Variants in CDH4 observed in about 807,000 individuals in gnomAD.
CDH4 encodes cadherin-4.
A neutral mutation model predicts 86.0 loss-of-function variants in CDH4; 33 were observed. The observed-to-expected ratio is 0.38, with a 90% CI of 0.29 to 0.51. The LOEUF (loss-of-function observed/expected upper bound fraction) is 0.51, where lower values mean the gene tolerates loss of function less well. Ranked by LOEUF, CDH4 falls within the 20% of genes least tolerant of loss-of-function variation. The pLI is 0.86. For synonymous variants in CDH4, 555 were observed against 549.4 expected (o/e 1.01, Z -0.14); for missense variants, 1,114 against 1,307.4 (o/e 0.85, Z 2.28).
intron 2 of CDH4, among the ~76,000 whole-genome samples, chr20:61,705,361 C>T (rs1187104022): frequency 1.3e-5 from 2 of 152,250 alleles, no homozygotes; most frequent in South Asian, 2.1e-4. Flanking sequence ...GACCAGACCC[C>T]GGGGGTTCCA....
At chr20:61,421,070 T>C (rs1270995093) in intron 2 of CDH4, among the ~76,000 whole-genome samples, 2 of 152,236 alleles carry the variant, frequency 1.3e-5, no homozygotes, top group East Asian at 1.9e-4. Flanking sequence ...ATGTTACTCA[T>C]TTCTATGGAG....
At chr20:61,664,929 G>A (rs970673043) in intron 2 of CDH4, among the ~76,000 whole-genome samples, 1 of 152,224 alleles carries the variant, frequency 6.6e-6, no homozygotes, top group Non-Finnish European at 1.5e-5. Flanking sequence ...CTTGAAATTA[G>A]CAACAGTCAT....
At chr20:61,905,372 G>A (rs777169966) in intron 8 of CDH4, among the ~76,000 whole-genome samples, 63 of 152,310 alleles carry the variant, frequency 4.1e-4, no homozygotes, top group Non-Finnish European at 7.8e-4. Context: ...CGCAGAGAGC[G>A]CCGCGCTCCC....
At chr20:61,730,094 C>T (rs1445243127) in intron 2 of CDH4, among the ~76,000 whole-genome samples, 2 of 152,116 alleles carry the variant, frequency 1.3e-5, no homozygotes, top group Non-Finnish European at 2.9e-5. Flanking sequence ...GTCTTGCATT[C>T]GTGTGTTGCA....
At chr20:61,630,106 A>G (rs2086871313) in intron 2 of CDH4, among the ~76,000 whole-genome samples, 1 of 152,194 alleles carries the variant, frequency 6.6e-6, no homozygotes, top group Non-Finnish European at 1.5e-5. Flanking sequence ...ACAGCCATGA[A>G]CACAGGATGC....
chr20:61,659,045 TC>T (rs1161423826), intron 2 of CDH4, among the ~76,000 whole-genome samples: 1 of 152,142 alleles, frequency 6.6e-6, no homozygotes, highest in African/African-American at 2.4e-5. Context: ...AACCTCATAC[TC>T]CAATAGTAGC....
At chr20:61,936,418 ACCC>A (rs3833322) in intron 15 of CDH4, among the ~76,000 whole-genome samples, 4,309 of 6,136 alleles carry the variant, frequency 0.7, 1,517 homozygotes, top group Middle Eastern at 0.79. Flanking sequence ...CCTCTCCCAC[ACCC>A]CCCCCCCCAT....
chr20:61,421,029 C>T (rs543702298), intron 2 of CDH4, among the ~76,000 whole-genome samples: 21 of 152,338 alleles, frequency 1.4e-4, no homozygotes, highest in Admixed American at 2.6e-4. Flanking sequence ...GGGTCTCAGA[C>T]GTGCTGTGGA....
intron 2 of CDH4, among the ~76,000 whole-genome samples, chr20:61,404,725 T>C (rs1266335757): frequency 9.9e-5 from 15 of 152,106 alleles, no homozygotes. Context: ...GCTTTTTTTT[T>C]TTTTCTTTTT....
chr20:61,903,654 A>G (rs1440222161), intron 8 of CDH4, among the ~76,000 whole-genome samples: 1 of 150,890 alleles, frequency 6.6e-6, no homozygotes, highest in Non-Finnish European at 1.5e-5. Flanking sequence ...ATAATTCCCC[A>G]TTCCAAACAA....
intron 2 of CDH4, among the ~76,000 whole-genome samples, chr20:61,327,310 A>T (rs1198188620): frequency 2.6e-5 from 4 of 152,242 alleles, no homozygotes; most frequent in Non-Finnish European, 5.9e-5. Flanking sequence ...AATATATTTG[A>T]CAATTTTCCT....
In CDH4 at chr20:61,548,028, C is replaced by G. The variant is rs552990053; in HGVS notation, c.170-195535C>G. 2.6e-5 allele frequency among the ~76,000 whole-genome samples: 4 copies of G among 152,292 alleles called. No homozygotes were observed. In the East Asian group the frequency reaches 7.7e-4, roughly 29 times the overall value. Reference sequence around the variant, plus strand: ...TTGCTTCCTGTGATTCCTCCTGGCTCTTTGCGGCAGCATCAAACCCTCAGG... The same window carrying G: ...TTGCTTCCTGTGATTCCTCCTGGCTGTTTGCGGCAGCATCAAACCCTCAGG... On this transcript the variant is annotated intron_variant, in intron 2 of 15. Coordinates refer to ENST00000614565, the MANE Select transcript of CDH4 (RefSeq NM_001794.5).
intron 2 of CDH4, among the ~76,000 whole-genome samples, chr20:61,719,967 C>A (rs1419882713): frequency 6.6e-6 from 1 of 152,196 alleles, no homozygotes; most frequent in Non-Finnish European, 1.5e-5. Context: ...AGAGTTTAAG[C>A]ACCGCAGTTA....
intron 2 of CDH4, among the ~76,000 whole-genome samples, chr20:61,301,774 A>C (rs2084387566): frequency 6.6e-6 from 1 of 152,230 alleles, no homozygotes; most frequent in South Asian, 2.1e-4. Flanking sequence ...GGCAAGATAA[A>C]GGACAATTGA....
chr20:61,538,126 G>GCTGTATTT (rs1396842718), intron 2 of CDH4, among the ~76,000 whole-genome samples: 2 of 152,172 alleles, frequency 1.3e-5, no homozygotes, highest in Non-Finnish European at 2.9e-5. Context: ...CCAAGTTCAA[G>GCTGTATTT]TCCACCCAAA....
intron 4 of CDH4, among the ~76,000 whole-genome samples, chr20:61,821,148 C>T (rs1434320351): frequency 1.3e-5 from 2 of 150,336 alleles, no homozygotes; most frequent in Non-Finnish European, 3.0e-5. Flanking sequence ...CTGCTCCAGT[C>T]CCCTCTCACT....
intron 8 of CDH4, among the ~76,000 whole-genome samples, chr20:61,907,181 A>G (rs1211002294): frequency 6.6e-6 from 1 of 151,328 alleles, no homozygotes; most frequent in East Asian, 1.9e-4. Context: ...GCTCTGTCCC[A>G]CCCCCAGGCC....
chr20:61,532,621 G>GC (rs2085963979), intron 2 of CDH4, among the ~76,000 whole-genome samples: 1 of 152,148 alleles, frequency 6.6e-6, no homozygotes, highest in African/African-American at 2.4e-5. Context: ...ATGCTCTCCT[G>GC]CCCCAGAAAT....
chr20:61,777,752 A>G (rs1430547883), intron 4 of CDH4, among the ~76,000 whole-genome samples: 3 of 149,830 alleles, frequency 2.0e-5, no homozygotes, highest in Admixed American at 1.3e-4. Context: ...ACACACCCAC[A>G]TGCGCACACA....
Sources: gnomAD v4.1 joint callset for allele counts (sites outside exome capture counted in the v4.1 genomes callset) on GRCh38, gnomAD v4.1.1 for gene constraint, MANE v1.5 for transcripts, NCBI Gene and HGNC (gene_info 2026-07-23, HGNC 2026-07-21) for gene names.